ADGRL1: variants seen among roughly 807,000 people sequenced by gnomAD.
ADGRL1 encodes the protein CIRL-1.
A neutral mutation model predicts 148.9 loss-of-function variants in ADGRL1; 31 were observed. The observed-to-expected ratio is 0.21, with a 90% CI of 0.16 to 0.28. The LOEUF (loss-of-function observed/expected upper bound fraction) is 0.28. ADGRL1 is among the 10% of genes least tolerant of loss of function. The pLI, the probability that ADGRL1 is intolerant of heterozygous loss-of-function variation, is 1.00. For synonymous variants in ADGRL1, 937 were observed against 900.3 expected (o/e 1.04, Z -0.73); for missense variants, 1,521 against 2,058.8 (o/e 0.74, Z 5.05).
Position 14,159,982 on chromosome 19 carries a change from G to A in ADGRL1, c.1800+130C>T. The A allele has an allele frequency of 9.2e-7, 1 of 1,086,634 alleles. No individual in the cohort carries two copies. The highest frequency in any genetic ancestry group is 1.3e-6 in the Non-Finnish European group (1 of 764,862). 67.3% of individuals were successfully genotyped at this position (1,086,634 alleles called of 1,614,324 possible). A position where few individuals can be genotyped will look rare whatever the true frequency, so the allele number is the denominator to read the frequency against. The stretch of plus-strand genomic sequence containing the variant: ...CCCGGCAGTCCTTGGCGGAGAGGGG[G>A]GGGTCCTTCCTCTCTGAGGAAAGGA... On this transcript the variant is annotated intron_variant, in intron 8 of 22. Transcript: ENST00000361434. This position sits in a 1 kb window ranked among gnomAD's most constrained non-coding sequence, Gnocchi z 6.0.
chr19:14,203,916 G>A (rs1972783766), intron 1 of ADGRL1, among the ~76,000 whole-genome samples: 1 of 152,204 alleles, frequency 6.6e-6, no homozygotes, highest in Admixed American at 6.5e-5. Context: ...CACACATGGG[G>A]TGGACCGAGC....
At chr19:14,154,594 G>T (rs536557195) in intron 18 of ADGRL1, among the ~76,000 whole-genome samples, 1 of 149,280 alleles carries the variant, frequency 6.7e-6, no homozygotes, top group Non-Finnish European at 1.5e-5. Flanking sequence ...CCAGCCCTTT[G>T]TATGTGTGGT....
chr19:14,159,637 T>TG lies in ADGRL1; in HGVS notation c.1840-54dup, dbSNP rs1482250910. 6.3e-7 allele frequency: 1 copy of TG among 1,591,802 alleles called. No individual in the cohort carries two copies. The highest frequency in any genetic ancestry group is 1.3e-5 in the African/African-American group (1 of 74,468). ...GAGCCCCCCAACACCCTCTAATTCC[T>TG]GGGGGTGGGCTCTGCATGCCCTCTT... On this transcript the variant is annotated intron_variant, in intron 9 of 22. Coordinates refer to ENST00000361434, the MANE Select transcript of ADGRL1 (RefSeq NM_014921.5). This position sits in a 1 kb window ranked among gnomAD's most constrained non-coding sequence, Gnocchi z 6.0.
chr19:14,189,369 T>C (rs1971789485), intron 1 of ADGRL1, among the ~76,000 whole-genome samples: 1 of 152,168 alleles, frequency 6.6e-6, no homozygotes, highest in Non-Finnish European at 1.5e-5. Flanking sequence ...TATAGTCACA[T>C]GACTCCTCTA....
chr19:14,191,517 G>A (rs1234934719), intron 1 of ADGRL1: 2 of 452,940 alleles, frequency 4.4e-6, no homozygotes, highest in Non-Finnish European at 8.9e-6. Context: ...AAGTGCCATA[G>A]ACTGCGCGGC....
rs747558470 is a variant in ADGRL1 at position 14,151,241 on chromosome 19, G to A, written c.4042C>T (p.Leu1348=). Residue 1348 remains leucine, a synonymous_variant, in exon 23 of 23, where the codon CTG becomes TTG. Coordinates refer to ENST00000361434, the MANE Select transcript of ADGRL1 (RefSeq NM_014921.5). ...PLLLPRAQSV[L]YQSDLDESES... Reference sequence around the variant, plus strand: ...GACTCGTCCAGATCGCTCTGGTACAGCACCGACTGGGCCCGGGGCAGCAGC... The same window carrying A: ...GACTCGTCCAGATCGCTCTGGTACAACACCGACTGGGCCCGGGGCAGCAGC... The A allele has an allele frequency of 6.2e-7, 1 of 1,612,142 alleles. No individual in the cohort carries two copies. Among genetic ancestry groups the A allele is most frequent in the Admixed American group, 1.7e-5 (1 of 60,002 alleles).
chr19:14,194,443 C>T (rs1039207655), intron 1 of ADGRL1, among the ~76,000 whole-genome samples: 12 of 152,204 alleles, frequency 7.9e-5, no homozygotes, highest in Admixed American at 1.3e-4. Flanking sequence ...CAAGGAACCA[C>T]CTGAGATGCC....
In ADGRL1 at chr19:14,155,764, C is replaced by T; in HGVS notation, c.3126-237G>A. 1 of 580,542 alleles carries T rather than the reference C, an allele frequency of 1.7e-6. No homozygotes were observed. Among genetic ancestry groups the T allele is most frequent in the African/African-American group, 1.9e-5 (1 of 53,616 alleles). The allele number at this position is 580,542 out of a possible 1,614,324, so 36.0% of individuals were successfully genotyped here. A position where few individuals can be genotyped will look rare whatever the true frequency, so the allele number is the denominator to read the frequency against. ...CGGGGTATTGTGAACATCAGTTATT[C>T]CTCTGCCAACTTCATTGTTTCTGCT... is the stretch of plus-strand genomic sequence containing the variant. On this transcript the variant is annotated intron_variant, in intron 17 of 22. Coordinates refer to ENST00000361434, the MANE Select transcript of ADGRL1 (RefSeq NM_014921.5). This position sits in a 1 kb window ranked among gnomAD's most constrained non-coding sequence, Gnocchi z 5.0.
At position 14,162,580 on chromosome 19, in the gene ADGRL1, C is replaced by T; in HGVS notation, c.1195+26G>A. The T allele has an allele frequency of 1.3e-6, 2 of 1,576,688 alleles. No individual in the cohort carries two copies. Among genetic ancestry groups the T allele is most frequent in the African/African-American group, 1.3e-5 (1 of 74,654 alleles). Reference sequence around the variant, plus strand: ...GGAGGGGACAAAGGCAAGCAGGCTCCATGCCTGGAAGTGAGTCGTCCTCAC... The same window carrying T: ...GGAGGGGACAAAGGCAAGCAGGCTCTATGCCTGGAAGTGAGTCGTCCTCAC... On this transcript the variant is annotated intron_variant, in intron 5 of 22. Transcript: ENST00000361434. The surrounding 1 kb of genome is among the most constrained non-coding windows in gnomAD (Gnocchi z 5.4).
rs570223557 is a variant in ADGRL1, at chr19:14,161,959, C to G, written c.1196-333G>C. 2.4e-4 allele frequency among the ~76,000 whole-genome samples: 37 copies of G among 152,222 alleles called. No homozygotes were observed. Among genetic ancestry groups the G allele is most frequent in the African/African-American group, 7.9e-4 (33 of 41,514 alleles). ...GTTGAGCCCGAGGGCAGGAGCCCTC[C>G]CCAATCCAGGTCAGCCCCGCCACCA... is the stretch of plus-strand genomic sequence containing the variant. On this transcript the variant is annotated intron_variant, in intron 5 of 22. Coordinates refer to ENST00000361434, the MANE Select transcript of ADGRL1 (RefSeq NM_014921.5). This position sits in a 1 kb window ranked among gnomAD's most constrained non-coding sequence, Gnocchi z 4.4.
rs780534881 is a variant in ADGRL1, at chr19:14,158,460, G to C, written c.2242C>G (p.Pro748Ala). Residue 748 changes from proline to alanine, a missense_variant, in exon 12 of 23, where the codon CCG becomes GCG. Pro to Ala is a conservative substitution (Grantham distance 27). This residue lies in a region of ADGRL1 where 265 missense variants were observed against 431.9 expected (regional missense o/e 0.61). Transcript: ENST00000361434. Reference protein sequence around the residue: ...ATVKLAGEAGPGGPGGASLVV... With the variant: ...ATVKLAGEAGAGGPGGASLVV... ...AGAGAGGCGCCCCCAGGGCCACCCG[G>C]GCCTGCTTCGCCGGCCAGCTTCACT... The C allele has an allele frequency of 6.8e-6, 11 of 1,613,792 alleles. No individual in the cohort carries two copies. The Admixed American group carries it at 1.7e-4, about 24-fold the overall frequency.
At chr19:14,189,935 T>A (rs1292281114) in intron 1 of ADGRL1, among the ~76,000 whole-genome samples, 4 of 152,110 alleles carry the variant, frequency 2.6e-5, no homozygotes, top group Non-Finnish European at 4.4e-5. Context: ...CTATAATAAT[T>A]ATTATTATTT....
chr19:14,183,615 G>T lies in ADGRL1; in HGVS notation c.-13C>A. ...CTAGGCGGGCCATGGTGGCAGCCGG[G>T]TGCGTGTCCGGAGCTCTCAGTGGCC... On this transcript the variant is annotated 5_prime_UTR_variant, in exon 2 of 23. Transcript: ENST00000361434. The T allele has an allele frequency of 6.4e-7, 1 of 1,564,146 alleles. No individual in the cohort carries two copies. Among genetic ancestry groups the T allele is most frequent in the Non-Finnish European group, 8.7e-7 (1 of 1,153,882 alleles).
chr19:14,183,759 T>C, intron 1 of ADGRL1, 62 bp from the exon 2 acceptor site: 1 of 631,420 alleles, frequency 1.6e-6, no homozygotes, highest in Middle Eastern at 4.3e-4. Flanking sequence ...CCTCTCCTCC[T>C]GCTGGTGGCT....
chr19:14,197,161 A>C (rs1477284807), intron 1 of ADGRL1, among the ~76,000 whole-genome samples: 2 of 151,952 alleles, frequency 1.3e-5, no homozygotes, highest in Non-Finnish European at 2.9e-5. Context: ...GGTCCTGGCT[A>C]CTCGGGAGGC....
At position 14,152,008 on chromosome 19, in the gene ADGRL1, G is replaced by T; in HGVS notation, c.3667+125C>A. 1.1e-6 allele frequency: 1 copy of T among 873,770 alleles called. No individual in the cohort carries two copies. 54.1% of individuals were successfully genotyped at this position (873,770 alleles called of 1,614,324 possible). On this transcript the variant is annotated intron_variant, in intron 22 of 22. Transcript: ENST00000361434. The surrounding 1 kb of genome is among the most constrained non-coding windows in gnomAD (Gnocchi z 6.1). ...CGGCTGCCAGAGGCTGTGTGTCGGG[G>T]GGTGGGGAAATGTGGGCATGGGGAG...
intron 2 of ADGRL1, among the ~76,000 whole-genome samples, chr19:14,180,364 T>C (rs926661663): frequency 3.3e-5 from 5 of 152,154 alleles, no homozygotes; most frequent in Admixed American, 6.5e-5. Flanking sequence ...CAAGCGATTC[T>C]CCTGCCTCAG....
rs1229206888 is a variant in ADGRL1 at position 14,155,317 on chromosome 19, C to T, written c.3294+42G>A. 3 of 1,605,646 alleles carry T rather than the reference C, an allele frequency of 1.9e-6. No individual in the cohort carries two copies. The highest frequency in any genetic ancestry group is 2.6e-6 in the Non-Finnish European group (3 of 1,174,738). Reference sequence around the variant, plus strand: ...CTTCTCCTGGGTACCCAGGAAACGTCTCCAAGGGAGGCTGTGACCCAGGAC... The same window carrying T: ...CTTCTCCTGGGTACCCAGGAAACGTTTCCAAGGGAGGCTGTGACCCAGGAC... On this transcript the variant is annotated intron_variant, in intron 18 of 22. Transcript: ENST00000361434. The surrounding 1 kb of genome is among the most constrained non-coding windows in gnomAD (Gnocchi z 5.0).
At chr19:14,196,758 A>G (rs1234182728) in intron 1 of ADGRL1, among the ~76,000 whole-genome samples, 1 of 152,018 alleles carries the variant, frequency 6.6e-6, no homozygotes, top group Non-Finnish European at 1.5e-5. Flanking sequence ...TCTTTCCTCA[A>G]ACATCACTAG....
Sources: allele counts gnomAD v4.1 joint callset (sites outside exome capture counted in the v4.1 genomes callset), GRCh38; gene constraint gnomAD v4.1.1; regional missense constraint gnomAD v4.1.1; non-coding constraint Gnocchi (gnomAD v3.1); transcripts MANE v1.5; gene names NCBI Gene and HGNC (gene_info 2026-07-23, HGNC 2026-07-21).